Variants in TMEM108 observed in about 807,000 individuals in gnomAD.
The protein encoded by TMEM108 is cancer/testis antigen 124.
A neutral mutation model predicts 35.1 loss-of-function variants in TMEM108; 12 were observed. The observed-to-expected ratio is 0.34, with a 90% CI of 0.22 to 0.55. The LOEUF (loss-of-function observed/expected upper bound fraction) is 0.55. Among genes scored for constraint, TMEM108 ranks in the 20% least tolerant of loss-of-function variants. The pLI, the probability that TMEM108 is intolerant of heterozygous loss-of-function variation, is 0.89. For missense variants in TMEM108, 680 were observed against 753.3 expected (o/e 0.90, Z 1.14); for synonymous variants, 287 against 308.6 (o/e 0.93, Z 0.73).
intron 3 of TMEM108, among the ~76,000 whole-genome samples, chr3:133,293,669 G>A (rs573850973): frequency 1.4e-3 from 213 of 152,036 alleles, no homozygotes; most frequent in African/African-American, 4.3e-3. Context: ...TGGCTAACTC[G>A]TCAAGCATGA....
chr3:133,392,118 C>T (rs938309967), intron 5 of TMEM108, among the ~76,000 whole-genome samples: 3 of 151,744 alleles, frequency 2.0e-5, no homozygotes, highest in African/African-American at 7.3e-5. Context: ...CGCCCCATCT[C>T]GGTCCTGCCA....
intron 3 of TMEM108, among the ~76,000 whole-genome samples, chr3:133,234,654 G>T (rs28846125): frequency 0.2 from 30,613 of 151,958 alleles, 3,618 homozygotes; most frequent in Middle Eastern, 0.32. Context: ...ATACTGAATG[G>T]GCAAAAACTG....
At chr3:133,047,808 A>G (rs1943358234) in intron 2 of TMEM108, among the ~76,000 whole-genome samples, 1 of 152,180 alleles carries the variant, frequency 6.6e-6, no homozygotes, top group Admixed American at 6.5e-5. Flanking sequence ...ATATACACAC[A>G]TAAATAGCTA....
chr3:133,059,509 A>G (rs1158999639), intron 2 of TMEM108, among the ~76,000 whole-genome samples: 3 of 152,178 alleles, frequency 2.0e-5, no homozygotes, highest in Admixed American at 2.0e-4. Context: ...CTGCAATCTC[A>G]GGAAACATGA....
At chr3:133,311,951 C>A (rs1267714844) in intron 3 of TMEM108, among the ~76,000 whole-genome samples, 1 of 152,220 alleles carries the variant, frequency 6.6e-6, no homozygotes, top group Non-Finnish European at 1.5e-5. Context: ...TGTTAGTTTT[C>A]CTTCTAACAG....
intron 3 of TMEM108, among the ~76,000 whole-genome samples, chr3:133,339,776 G>C (rs898402355): frequency 1.3e-5 from 2 of 151,684 alleles, no homozygotes; most frequent in African/African-American, 2.4e-5. Context: ...ATGGAATAAA[G>C]CTAGAAATCA....
chr3:133,363,790 C>A (rs2072426397), intron 3 of TMEM108, among the ~76,000 whole-genome samples: 1 of 152,128 alleles, frequency 6.6e-6, no homozygotes, highest in East Asian at 1.9e-4. Context: ...ATTTGTATAG[C>A]AACCACATGA....
At chr3:133,387,276 T>C in intron 4 of TMEM108, 1 of 985,496 alleles carries the variant, frequency 1.0e-6, no homozygotes, top group Non-Finnish European at 1.2e-6. Context: ...AAGTTCATCT[T>C]AAGTGACTTT....
At chr3:133,308,298 A>G (rs929290297) in intron 3 of TMEM108, among the ~76,000 whole-genome samples, 2 of 152,190 alleles carry the variant, frequency 1.3e-5, no homozygotes, top group African/African-American at 4.8e-5. Context: ...CAATCATGTC[A>G]TCTGCAAACA....
At chr3:133,208,542 G>A (rs1559868760) in intron 2 of TMEM108, among the ~76,000 whole-genome samples, 1 of 152,090 alleles carries the variant, frequency 6.6e-6, no homozygotes, top group East Asian at 1.9e-4. Context: ...TATTGATTTG[G>A]GAAGATTGTG....
chr3:133,299,197 T>C (rs1947185455), intron 3 of TMEM108, among the ~76,000 whole-genome samples: 1 of 152,198 alleles, frequency 6.6e-6, no homozygotes, highest in South Asian at 2.1e-4. Context: ...TACTGTCTCC[T>C]GGTTGACTTG....
rs182314469 is a variant in TMEM108, at chr3:133,131,512, A to G, written c.-47+85492A>G. Among the ~76,000 whole-genome samples the G allele has an allele frequency of 8.3e-4, 124 of 149,098 alleles. 1 individual carries two copies. Among genetic ancestry groups the G allele is most frequent in the African/African-American group, 3.0e-3 (120 of 40,240 alleles). ...ATCAGTGATCTTTGATGTTACTACT[A>G]TAATTGTTTTAGGGCACTGTGAACC... On this transcript the variant is annotated intron_variant, in intron 2 of 5. Coordinates refer to ENST00000321871, the MANE Select transcript of TMEM108 (RefSeq NM_023943.4).
At chr3:133,061,233 A>G (rs1398993544) in intron 2 of TMEM108, among the ~76,000 whole-genome samples, 1 of 129,094 alleles carries the variant, frequency 7.7e-6, no homozygotes, top group Non-Finnish European at 1.6e-5. Context: ...TTTTTTTGAG[A>G]CAGAGTCTCA....
chr3:133,373,371 T>G (rs201099818), intron 3 of TMEM108, among the ~76,000 whole-genome samples: 1 of 135,250 alleles, frequency 7.4e-6, no homozygotes, highest in East Asian at 2.0e-4. Context: ...AAAAAGAAAT[T>G]TAGATAGATA....
intron 3 of TMEM108, among the ~76,000 whole-genome samples, chr3:133,359,064 G>T (rs139546682): frequency 1.9e-3 from 284 of 152,258 alleles, no homozygotes; most frequent in African/African-American, 6.7e-3. Flanking sequence ...CCCTACAGTG[G>T]CAAAATTGAG....
chr3:133,387,021 G>A (rs2073162235), intron 4 of TMEM108: 3 of 985,598 alleles, frequency 3.0e-6, no homozygotes, highest in African/African-American at 3.5e-5. Context: ...AGTCTGACTT[G>A]TACTTTTCTT....
At chr3:133,173,618 T>A (rs772035535) in intron 2 of TMEM108, among the ~76,000 whole-genome samples, 1 of 152,250 alleles carries the variant, frequency 6.6e-6, no homozygotes, top group Non-Finnish European at 1.5e-5. Flanking sequence ...TACTTGGGTT[T>A]TAATTTGTAT....
chr3:133,078,310 A>G (rs1408777321), intron 2 of TMEM108, among the ~76,000 whole-genome samples: 1 of 151,880 alleles, frequency 6.6e-6, no homozygotes, highest in Non-Finnish European at 1.5e-5. Flanking sequence ...ATTTTATATC[A>G]CCTCAGGGAT....
chr3:133,291,224 A>T (rs185096324), intron 3 of TMEM108, among the ~76,000 whole-genome samples: 43 of 152,106 alleles, frequency 2.8e-4, no homozygotes, highest in Admixed American at 7.2e-4. Flanking sequence ...TGGAAATACC[A>T]GAAGAAAAAA....
Sources: allele counts gnomAD v4.1 joint callset (sites outside exome capture counted in the v4.1 genomes callset), GRCh38; gene constraint gnomAD v4.1.1; transcripts MANE v1.5; gene names NCBI Gene and HGNC (gene_info 2026-07-23, HGNC 2026-07-21).